Variants in FHIT observed in about 807,000 individuals in gnomAD.
FHIT encodes fragile histidine triad diadenosine triphosphatase.
Under a neutral mutation model 17.9 loss-of-function variants are expected in FHIT, and 19 were observed. The ratio of observed to expected loss-of-function variants is 1.06; its 90% CI spans 0.74 to 1.56. The LOEUF (loss-of-function observed/expected upper bound fraction) is 1.56. Ranked by LOEUF, FHIT falls within the 40% of genes most tolerant of loss-of-function variation. The probability of loss-of-function intolerance (pLI) is 0.00; values close to 1 mark genes in which losing one functional copy is unlikely to be tolerated. For missense variants in FHIT, 248 were observed against 189.2 expected (o/e 1.31, Z -1.82); for synonymous variants, 81 against 69.7 (o/e 1.16, Z -0.81).
At chr3:60,751,487 C>T (rs76200764) in intron 4 of FHIT, among the ~76,000 whole-genome samples, 5,366 of 152,214 alleles carry the variant, frequency 0.035, 317 homozygotes, top group African/African-American at 0.12. Flanking sequence ...AGGATAGGAA[C>T]AGATAATTTC....
intron 5 of FHIT, among the ~76,000 whole-genome samples, chr3:60,107,715 T>C (rs1284539034): frequency 6.6e-6 from 1 of 152,224 alleles, no homozygotes; most frequent in African/African-American, 2.4e-5. Flanking sequence ...CACTTAAGCT[T>C]TGCAAGCCAA....
chr3:60,301,135 T>C (rs900044289), intron 5 of FHIT, among the ~76,000 whole-genome samples: 14 of 152,104 alleles, frequency 9.2e-5, no homozygotes, highest in African/African-American at 3.4e-4. Flanking sequence ...TTATTTATCC[T>C]AAAATAAAAT....
chr3:60,715,586 G>T (rs1289920663), intron 4 of FHIT, among the ~76,000 whole-genome samples: 1 of 137,128 alleles, frequency 7.3e-6, no homozygotes, highest in East Asian at 2.3e-4. Flanking sequence ...ACACATGGAC[G>T]CAGGAAGGGG....
At chr3:60,956,193 C>T (rs540312087) in intron 3 of FHIT, among the ~76,000 whole-genome samples, 1 of 152,246 alleles carries the variant, frequency 6.6e-6, no homozygotes, top group East Asian at 1.9e-4. Context: ...GAAACAAAAA[C>T]ATCACAAAAC....
At chr3:60,665,091 G>C (rs1332368332) in intron 4 of FHIT, among the ~76,000 whole-genome samples, 1 of 151,894 alleles carries the variant, frequency 6.6e-6, no homozygotes, top group Non-Finnish European at 1.5e-5. Context: ...TGATAACTTA[G>C]AAGTGTGTTA....
At chr3:59,909,422 G>T (rs1704757506) in intron 8 of FHIT, among the ~76,000 whole-genome samples, 1 of 150,834 alleles carries the variant, frequency 6.6e-6, no homozygotes, top group South Asian at 2.1e-4. Context: ...CTCCTCCTCT[G>T]GGGTTCAAGT....
chr3:60,700,501 C>T (rs2041220908), intron 4 of FHIT, among the ~76,000 whole-genome samples: 1 of 152,070 alleles, frequency 6.6e-6, no homozygotes, highest in African/African-American at 2.4e-5. Flanking sequence ...TCAACAATCT[C>T]ACTATTCATG....
intron 2 of FHIT, among the ~76,000 whole-genome samples, chr3:61,076,546 C>T (rs558055128): frequency 2.6e-5 from 4 of 152,288 alleles, no homozygotes; most frequent in African/African-American, 2.4e-5. Context: ...GGCTACAAAA[C>T]TTTCACCCTA....
In FHIT at chr3:59,886,594, A is replaced by G. The variant is rs565683482; in HGVS notation, c.348+35752T>C. 2.6e-5 allele frequency among the ~76,000 whole-genome samples: 4 copies of G among 152,224 alleles called. No homozygotes were observed. In the East Asian group the frequency reaches 7.7e-4, roughly 29 times the overall value. On this transcript the variant is annotated intron_variant, in intron 8 of 9. Coordinates refer to ENST00000492590, the MANE Select transcript of FHIT (RefSeq NM_002012.4). ...GGAGCGAGGAAGCAAGAGAGAAGGG[A>G]AGAGGCACCACACTCTTTTTAACAA... is the stretch of plus-strand genomic sequence containing the variant.
At chr3:60,517,383 C>T (rs2035199173) in intron 5 of FHIT, among the ~76,000 whole-genome samples, 2 of 152,056 alleles carry the variant, frequency 1.3e-5, no homozygotes, top group South Asian at 4.1e-4. Context: ...ACATTTTATT[C>T]CCTCCATCAA....
rs373296937 is a variant in FHIT, at chr3:60,356,215, C to T, written c.103+180645G>A. Among the ~76,000 whole-genome samples the T allele has an allele frequency of 1.3e-3, 203 of 152,276 alleles. 4 individuals carry two copies. Among genetic ancestry groups the T allele is most frequent in the Non-Finnish European group, 8.1e-4 (55 of 68,008 alleles). On this transcript the variant is annotated intron_variant, in intron 5 of 9. Transcript: ENST00000492590. The stretch of plus-strand genomic sequence containing the variant: ...GATTTGCTGTATCAGCCTATAACAA[C>T]GCTGCAAAAGTAACCGAGCAGAGCC...
chr3:60,939,730 A>T lies in FHIT; in HGVS notation c.-111+102317T>A, dbSNP rs552290794. Reference sequence around the variant, plus strand: ...AATGCGAACCAAATAAAACAAAATAAGTTGTAAAAATTCCTTTCTTCAACA... The same window carrying T: ...AATGCGAACCAAATAAAACAAAATATGTTGTAAAAATTCCTTTCTTCAACA... On this transcript the variant is annotated intron_variant, in intron 3 of 9. Transcript: ENST00000492590. 4.6e-5 allele frequency among the ~76,000 whole-genome samples: 7 copies of T among 152,302 alleles called. No individual in the cohort carries two copies. The East Asian group carries it at 9.6e-4, about 21-fold the overall frequency.
intron 2 of FHIT, among the ~76,000 whole-genome samples, chr3:61,073,466 A>C (rs2034873614): frequency 6.6e-6 from 1 of 152,256 alleles, no homozygotes; most frequent in Non-Finnish European, 1.5e-5. Flanking sequence ...GATGGAGAAG[A>C]ATAAGCCAGC....
intron 4 of FHIT, among the ~76,000 whole-genome samples, chr3:60,802,230 G>A (rs1342416535): frequency 6.6e-6 from 1 of 152,112 alleles, no homozygotes; most frequent in Non-Finnish European, 1.5e-5. Flanking sequence ...ATGCTTTCAT[G>A]GTAAAAATGA....
chr3:61,000,481 C>A (rs927031435), intron 3 of FHIT, among the ~76,000 whole-genome samples: 1 of 152,138 alleles, frequency 6.6e-6, no homozygotes, highest in African/African-American at 2.4e-5. Context: ...GAAAATCAGT[C>A]CTGCTGCTCT....
chr3:60,344,029 A>C (rs1359888874), intron 5 of FHIT, among the ~76,000 whole-genome samples: 1 of 152,218 alleles, frequency 6.6e-6, no homozygotes. Context: ...GTTATCCAAC[A>C]GAAGCTGGCC....
chr3:60,973,680 T>A (rs987362675), intron 3 of FHIT, among the ~76,000 whole-genome samples: 3 of 152,200 alleles, frequency 2.0e-5, no homozygotes. Context: ...CACATTCTCA[T>A]CATTTTGGTA....
intron 5 of FHIT, among the ~76,000 whole-genome samples, chr3:60,461,768 C>T (rs189897736): frequency 1.5e-4 from 23 of 152,264 alleles, no homozygotes; most frequent in Middle Eastern, 6.8e-3. Flanking sequence ...TTTCCAGAGG[C>T]AGTCAGAGGC....
chr3:61,180,433 G>A (rs561790882), intron 2 of FHIT, among the ~76,000 whole-genome samples: 1 of 152,320 alleles, frequency 6.6e-6, no homozygotes, highest in South Asian at 2.1e-4. Flanking sequence ...ATGCTAAGCA[G>A]ATTTTCCTTT....
Sources: allele counts gnomAD v4.1 joint callset (sites outside exome capture counted in the v4.1 genomes callset), GRCh38; gene constraint gnomAD v4.1.1; transcripts MANE v1.5; gene names NCBI Gene and HGNC (gene_info 2026-07-23, HGNC 2026-07-21).